The following RBFOX1 variants were observed in gnomAD, a reference collection of about 807,000 sequenced individuals.
The protein encoded by RBFOX1 is RNA binding fox-1 homolog 1, also known as RNA binding protein fox-1 homolog 1.
Under a neutral mutation model 57.7 loss-of-function variants are expected in RBFOX1, and 8 were observed. The observed-to-expected ratio is 0.14, with a 90% CI of 0.08 to 0.25. The LOEUF is 0.25. RBFOX1 is among the 10% of genes least tolerant of loss of function. The pLI, the probability that RBFOX1 is intolerant of heterozygous loss-of-function variation, is 1.00. For synonymous variants in RBFOX1, 326 were observed against 222.4 expected, an observed-to-expected ratio of 1.47 and a Z score of -4.15; for missense variants, 611 against 548.5, an observed-to-expected ratio of 1.11 and a Z score of -1.14.
intron 1 of RBFOX1, among the ~76,000 whole-genome samples, chr16:6,043,915 C>T (rs534252217): frequency 6.6e-6 from 1 of 152,254 alleles, no homozygotes; most frequent in East Asian, 1.9e-4. Flanking sequence ...GCCTCCTTTC[C>T]TTCTGGGACC....
Position 5,947,673 on chromosome 16 carries a change from T to C in RBFOX1, c.351+80338T>C, listed in dbSNP as rs1357936706. On this transcript the variant is annotated intron_variant, in intron 4 of 19. Transcript: ENST00000641259. This position sits in a 1 kb window ranked among gnomAD's most constrained non-coding sequence, Gnocchi z 7.2. ...CATCCCTTACCATCTTCCTTCTCTA[T>C]TGTAAATCTGCCCTTTTGAGAGAGT... Among the ~76,000 whole-genome samples the C allele has an allele frequency of 3.3e-5, 5 of 152,172 alleles. No homozygotes were observed. The highest frequency in any genetic ancestry group is 3.3e-4 in the Admixed American group (5 of 15,282).
intron 2 of RBFOX1, among the ~76,000 whole-genome samples, chr16:6,432,791 G>A (rs1332182771): frequency 6.6e-6 from 1 of 151,982 alleles, no homozygotes; most frequent in Non-Finnish European, 1.5e-5. Context: ...CAGTCTGACT[G>A]ATGTGGTGAA....
At chr16:7,463,502 TCAAAAAAA>T (rs1167736931) in intron 4 of RBFOX1, among the ~76,000 whole-genome samples, 2 of 151,944 alleles carry the variant, frequency 1.3e-5, no homozygotes, top group Admixed American at 6.6e-5. Context: ...AGACTTGGTC[TCAAAAAAA>T]CAAAAAAAGG....
At chr16:6,142,189 C>CAAAA (rs71142685) in intron 1 of RBFOX1, among the ~76,000 whole-genome samples, 1,500 of 48,944 alleles carry the variant, frequency 0.031, 161 homozygotes, top group South Asian at 0.053. Flanking sequence ...GCTGCTGCTG[C>CAAAA]AAAAAAAAAA....
At chr16:5,420,874 C>T in intron 1 of RBFOX1, among the ~76,000 whole-genome samples, 2 of 60,650 alleles carry the variant, frequency 3.3e-5, no homozygotes, top group Admixed American at 1.9e-4. Flanking sequence ...TCCTCCTCTC[C>T]CTCCCTCCCC....
At chr16:6,996,537 T>G (rs1283378749) in intron 3 of RBFOX1, among the ~76,000 whole-genome samples, 1 of 152,216 alleles carries the variant, frequency 6.6e-6, no homozygotes, top group Non-Finnish European at 1.5e-5. Context: ...ACATTGTAGT[T>G]ACTATTGTAA....
intron 4 of RBFOX1, among the ~76,000 whole-genome samples, chr16:7,174,890 C>T (rs890861562): frequency 6.6e-6 from 1 of 152,180 alleles, no homozygotes; most frequent in Non-Finnish European, 1.5e-5. Context: ...GTGCCACATC[C>T]TTGACAACTA....
intron 2 of RBFOX1, among the ~76,000 whole-genome samples, chr16:6,637,554 A>ATGTATAATAGTC (rs1413772226): frequency 1.5e-5 from 2 of 133,422 alleles, no homozygotes; most frequent in Admixed American, 1.8e-4. Flanking sequence ...TCTGCATAGT[A>ATGTATAATAGTC]TATATAATAT....
chr16:7,536,788 C>G (rs1222470108), intron 5 of RBFOX1, among the ~76,000 whole-genome samples: 1 of 152,152 alleles, frequency 6.6e-6, no homozygotes, highest in African/African-American at 2.4e-5. Context: ...AGCTTGTTAC[C>G]TCCAGGGTGA....
At chr16:6,658,057 A>G (rs976744455) in intron 3 of RBFOX1, among the ~76,000 whole-genome samples, 3 of 152,104 alleles carry the variant, frequency 2.0e-5, no homozygotes, top group Non-Finnish European at 4.4e-5. Context: ...GAAGAATTTT[A>G]GAAAAGACAA....
intron 2 of RBFOX1, among the ~76,000 whole-genome samples, chr16:6,374,077 C>A (rs2090856304): frequency 6.6e-6 from 1 of 152,188 alleles, no homozygotes; most frequent in Admixed American, 6.5e-5. Context: ...AACATAATAT[C>A]TGCCCTATTT....
intron 4 of RBFOX1, among the ~76,000 whole-genome samples, chr16:5,906,727 CTTTTT>C (rs57589514): frequency 5.0e-4 from 36 of 71,480 alleles, no homozygotes; most frequent in Middle Eastern, 0.017. Flanking sequence ...ATCCTAGATT[CTTTTT>C]TTTTTTTTTT....
In RBFOX1 at chr16:7,288,303, G is replaced by A. The variant is rs1370803335; in HGVS notation, c.28-229844G>A. Among the ~76,000 whole-genome samples, 3 of 152,080 alleles carry A rather than the reference G, an allele frequency of 2.0e-5. No homozygotes were observed. The East Asian group carries it at 5.8e-4, about 29-fold the overall frequency. ...ACATTCTACTTGGAAATCCATTTAA[G>A]GAATGCATCATACAATAAAGTAGAA... On this transcript the variant is annotated intron_variant, in intron 4 of 15. Coordinates refer to ENST00000550418, the MANE Select transcript of RBFOX1 (RefSeq NM_018723.4).
intron 3 of RBFOX1, among the ~76,000 whole-genome samples, chr16:6,774,684 T>C (rs921512401): frequency 6.6e-6 from 1 of 152,130 alleles, no homozygotes; most frequent in Admixed American, 6.5e-5. Flanking sequence ...TAAATTAGCA[T>C]TAGCATTAAA....
At chr16:7,276,606 C>A (rs574717479) in intron 4 of RBFOX1, among the ~76,000 whole-genome samples, 35 of 152,148 alleles carry the variant, frequency 2.3e-4, no homozygotes, top group Non-Finnish European at 4.1e-4. Flanking sequence ...TCATTTTATG[C>A]CTCTGGAAGA....
At chr16:7,499,274 C>T (rs1037971254) in intron 4 of RBFOX1, among the ~76,000 whole-genome samples, 1 of 152,150 alleles carries the variant, frequency 6.6e-6, no homozygotes, top group East Asian at 1.9e-4. Context: ...GAAGCATCAC[C>T]CATTCATCTT....
At chr16:7,025,389 C>A (rs1187330694) in intron 3 of RBFOX1, among the ~76,000 whole-genome samples, 1 of 152,136 alleles carries the variant, frequency 6.6e-6, no homozygotes, top group African/African-American at 2.4e-5. Context: ...TTTTTATCAG[C>A]AAGGTCCTTA....
At chr16:5,578,882 C>G (rs536663137) in intron 2 of RBFOX1, among the ~76,000 whole-genome samples, 1 of 129,574 alleles carries the variant, frequency 7.7e-6, no homozygotes, top group Non-Finnish European at 1.6e-5. Flanking sequence ...GAGTCTCACT[C>G]TGTCGCCCAG....
intron 4 of RBFOX1, among the ~76,000 whole-genome samples, chr16:7,308,426 C>T (rs989118021): frequency 1.3e-5 from 2 of 151,906 alleles, no homozygotes; most frequent in African/African-American, 4.8e-5. Flanking sequence ...TCTGTCAAGC[C>T]CTATCCACTG....
Sources: gnomAD v4.1 joint callset for allele counts (sites outside exome capture counted in the v4.1 genomes callset) on GRCh38, gnomAD v4.1.1 for gene constraint, Gnocchi (gnomAD v3.1) non-coding constraint, MANE v1.5 for transcripts, NCBI Gene and HGNC (gene_info 2026-07-23, HGNC 2026-07-21) for gene names.